CHD9: variants seen among roughly 807,000 people sequenced by gnomAD.
The protein encoded by CHD9 is ATP-dependent chromatin remodeler CHD9.
CHD9 carries 77 observed loss-of-function variants against 316.1 expected under a neutral mutation model. The observed-to-expected ratio is 0.24, with a 90% CI of 0.20 to 0.29. The LOEUF (loss-of-function observed/expected upper bound fraction) is 0.29. CHD9 is among the 10% of genes least tolerant of loss of function. The pLI, the probability that CHD9 is intolerant of heterozygous loss-of-function variation, is 1.00. For synonymous variants in CHD9, 1,129 were observed against 1,158.3 expected, an observed-to-expected ratio of 0.97 and a Z score of 0.51; for missense variants, 2,763 against 3,438.1, an observed-to-expected ratio of 0.80 and a Z score of 4.91.
intron 3 of CHD9, among the ~76,000 whole-genome samples, chr16:53,216,582 C>G (rs965217747): frequency 2.0e-5 from 3 of 152,108 alleles, no homozygotes; most frequent in African/African-American, 7.2e-5. Context: ...ATGGTGGGAC[C>G]AATACCTACC....
At chr16:53,161,012 G>A (rs918781679) in intron 2 of CHD9, among the ~76,000 whole-genome samples, 16 of 152,192 alleles carry the variant, frequency 1.1e-4, no homozygotes, top group African/African-American at 3.9e-4. Flanking sequence ...TTGAGCCTGA[G>A]AGTTTGAGGC....
intron 1 of CHD9, among the ~76,000 whole-genome samples, chr16:53,145,811 G>C (rs1353920089): frequency 6.6e-6 from 1 of 152,050 alleles, no homozygotes; most frequent in Non-Finnish European, 1.5e-5. Context: ...TTCTATAGCA[G>C]AGCATGCTTC....
chr16:53,209,613 T>C lies in CHD9; in HGVS notation c.1584T>C (p.Arg528=). The C allele has an allele frequency of 1.2e-6, 2 of 1,613,728 alleles. No individual in the cohort carries two copies. Among genetic ancestry groups the C allele is most frequent in the Non-Finnish European group, 8.5e-7 (1 of 1,179,816 alleles). Reference sequence around the variant, plus strand: ...AAAGCAAGCAAGAAAAGGCTAATCGTATAATATCAGAGGCCATAGCAAAAG... The same window carrying C: ...AAAGCAAGCAAGAAAAGGCTAATCGCATAATATCAGAGGCCATAGCAAAAG... ...ESESKQEKAN[R]IISEAIAKAK... Residue 528 remains arginine (R), a synonymous_variant, in exon 3 of 39, where the codon CGT becomes CGC. Transcript: ENST00000447540.
intron 2 of CHD9, among the ~76,000 whole-genome samples, chr16:53,204,070 C>T (rs1201451495): frequency 2.1e-5 from 3 of 143,318 alleles, no homozygotes; most frequent in African/African-American, 5.2e-5. Flanking sequence ...CACACACACA[C>T]ACACACACAC....
chr16:53,195,842 C>T (rs948663170), intron 2 of CHD9, among the ~76,000 whole-genome samples: 4 of 150,726 alleles, frequency 2.7e-5, no homozygotes, highest in Non-Finnish European at 5.9e-5. Context: ...ACTGCAATCT[C>T]CACCTCCCAA....
intron 1 of CHD9, among the ~76,000 whole-genome samples, chr16:53,127,957 A>AAG (rs1221547487): frequency 6.6e-6 from 1 of 151,778 alleles, no homozygotes; most frequent in Non-Finnish European, 1.5e-5. Context: ...AAAAAAAAAA[A>AAG]AAGCCCTTTC....
intron 24 of CHD9, among the ~76,000 whole-genome samples, chr16:53,283,016 G>A (rs2053557793): frequency 6.6e-6 from 1 of 152,034 alleles, no homozygotes; most frequent in African/African-American, 2.4e-5. Context: ...TCTCTCTTCT[G>A]AACTTTAGAT....
chr16:53,308,523 T>G (rs562037574), intron 33 of CHD9, among the ~76,000 whole-genome samples, 163 bp from the exon 34 acceptor site: 1 of 152,316 alleles, frequency 6.6e-6, no homozygotes, highest in African/African-American at 2.4e-5. Context: ...AGAAATTGAT[T>G]TAAAATGTTT....
chr16:53,187,317 G>A (rs1056881172), intron 2 of CHD9, among the ~76,000 whole-genome samples: 6 of 152,004 alleles, frequency 3.9e-5, no homozygotes, highest in Middle Eastern at 3.2e-3. Context: ...AGACCAGCTT[G>A]GGCAACATAG....
At chr16:53,319,772 A>G in intron 37 of CHD9, 1 of 1,191,250 alleles carries the variant, frequency 8.4e-7, no homozygotes, top group Non-Finnish European at 1.1e-6. Flanking sequence ...ATGTTCCTTA[A>G]TTTGTAGAGT....
intron 24 of CHD9, among the ~76,000 whole-genome samples, chr16:53,280,252 C>CA (rs945180112): frequency 1.6e-4 from 24 of 152,102 alleles, no homozygotes; most frequent in Middle Eastern, 3.4e-3. Context: ...TTTGCAATTG[C>CA]AAAAAACGTG....
intron 1 of CHD9, among the ~76,000 whole-genome samples, chr16:53,105,610 C>G (rs1218096500): frequency 1.3e-5 from 2 of 151,986 alleles, no homozygotes; most frequent in African/African-American, 2.4e-5. Flanking sequence ...GCATATTATT[C>G]CATAGGAGAG....
intron 1 of CHD9, among the ~76,000 whole-genome samples, chr16:53,117,139 G>C (rs1016294427): frequency 2.0e-5 from 3 of 152,054 alleles, no homozygotes; most frequent in Admixed American, 2.0e-4. Flanking sequence ...TTCATACTTA[G>C]GTGATGGGTC....
intron 2 of CHD9, among the ~76,000 whole-genome samples, chr16:53,159,837 G>A (rs1313240544): frequency 1.3e-5 from 2 of 152,076 alleles, no homozygotes; most frequent in Admixed American, 1.3e-4. Flanking sequence ...CTCTGGTCTT[G>A]AACTCCTGAC....
chr16:53,102,425 G>A (rs2036961341), intron 1 of CHD9, among the ~76,000 whole-genome samples: 1 of 152,016 alleles, frequency 6.6e-6, no homozygotes, highest in South Asian at 2.1e-4. Context: ...GGAAACTAAA[G>A]TGCAGAGCTG....
intron 30 of CHD9, chr16:53,299,668 T>C (rs1796854237): frequency 5.7e-6 from 2 of 348,242 alleles, no homozygotes; most frequent in South Asian, 5.5e-5. Context: ...ATCGAGGGCC[T>C]CCATGGCCAG....
At chr16:53,065,003 AAGAG>A (rs138807891) in intron 1 of CHD9, among the ~76,000 whole-genome samples, 2,288 of 151,940 alleles carry the variant, frequency 0.015, 64 homozygotes, top group African/African-American at 0.053. Context: ...GAGAAAGAAA[AAGAG>A]AGGGAGTGAG....
At chr16:53,130,062 C>T (rs960031684) in intron 1 of CHD9, among the ~76,000 whole-genome samples, 50 of 152,224 alleles carry the variant, frequency 3.3e-4, no homozygotes, top group African/African-American at 1.1e-3. Flanking sequence ...TTATTTTTCT[C>T]TCCCTTCGTA....
Position 53,231,628 on chromosome 16 carries a change from T to G in CHD9, c.2374-19T>G, listed in dbSNP as rs2048183031. 1 of 1,542,442 alleles carries G rather than the reference T, an allele frequency of 6.5e-7. No homozygotes were observed. Among genetic ancestry groups the G allele is most frequent in the African/African-American group, 1.4e-5 (1 of 72,038 alleles). On this transcript the variant is annotated intron_variant, in intron 9 of 38. Coordinates refer to ENST00000447540, the MANE Select transcript of CHD9 (RefSeq NM_001308319.2). ...CTAGTGTCTTTTTCAAAATGGTAAATGAAAAAATTTTTTTACAGCCTGTTA... is the reference window on the plus strand; with the variant it reads ...CTAGTGTCTTTTTCAAAATGGTAAAGGAAAAAATTTTTTTACAGCCTGTTA...
Sources: gnomAD v4.1 joint callset for allele counts (sites outside exome capture counted in the v4.1 genomes callset) on GRCh38, gnomAD v4.1.1 for gene constraint, MANE v1.5 for transcripts, NCBI Gene and HGNC (gene_info 2026-07-23, HGNC 2026-07-21) for gene names.